Variants in VIPR2 observed in about 807,000 individuals in gnomAD.
VIPR2 encodes the protein vasoactive intestinal polypeptide receptor 2.
VIPR2 carries 48 observed loss-of-function variants against 58.0 expected under a neutral mutation model. The ratio of observed to expected loss-of-function variants is 0.83; its 90% CI spans 0.66 to 1.05. The LOEUF is 1.05. VIPR2 is among the 50% of genes least tolerant of loss of function. VIPR2 has a pLI of 0.00. For synonymous variants in VIPR2, 243 were observed against 235.2 expected, an observed-to-expected ratio of 1.03 and a Z score of -0.30; for missense variants, 534 against 558.0, an observed-to-expected ratio of 0.96 and a Z score of 0.43.
At chr7:159,114,676 A>C (rs1332502561) in intron 2 of VIPR2, among the ~76,000 whole-genome samples, 3 of 152,126 alleles carry the variant, frequency 2.0e-5, no homozygotes, top group Admixed American at 2.0e-4. Context: ...CACTGTGGTA[A>C]GTACCTGCAG....
intron 4 of VIPR2, among the ~76,000 whole-genome samples, chr7:159,085,615 C>T (rs114369888): frequency 0.018 from 2,771 of 152,326 alleles, 88 homozygotes; most frequent in African/African-American, 0.061. Context: ...TTTAAGGACA[C>T]GGCTGTCACG....
intron 5 of VIPR2, among the ~76,000 whole-genome samples, chr7:159,052,703 TAGG>T (rs1855080389): frequency 6.6e-6 from 1 of 152,140 alleles, no homozygotes; most frequent in African/African-American, 2.4e-5. Context: ...CAAAACCATG[TAGG>T]GTTAATTTAG....
intron 2 of VIPR2, among the ~76,000 whole-genome samples, chr7:159,115,190 C>A (rs1796191224): frequency 6.6e-6 from 1 of 152,242 alleles, no homozygotes; most frequent in South Asian, 2.1e-4. Flanking sequence ...GTAGCCATCA[C>A]ACCAGCATTT....
At chr7:159,036,284 C>T (rs1007911136) in intron 7 of VIPR2, among the ~76,000 whole-genome samples, 6 of 152,120 alleles carry the variant, frequency 3.9e-5, no homozygotes, top group South Asian at 2.1e-4. Flanking sequence ...GTTGAACGTG[C>T]GGAGAAGGAG....
At chr7:159,052,581 G>T (rs1855072131) in intron 5 of VIPR2, among the ~76,000 whole-genome samples, 1 of 152,140 alleles carries the variant, frequency 6.6e-6, no homozygotes. Context: ...AACCTTACCA[G>T]ATTGACTCAT....
intron 2 of VIPR2, among the ~76,000 whole-genome samples, chr7:159,132,466 C>T (rs372437124): frequency 3.1e-3 from 466 of 150,834 alleles, no homozygotes; most frequent in African/African-American, 0.01. Flanking sequence ...TGGATCCAGT[C>T]GGAGGCCTCA....
chr7:159,051,160 A>G (rs1404604131), intron 5 of VIPR2, among the ~76,000 whole-genome samples: 1 of 152,250 alleles, frequency 6.6e-6, no homozygotes, highest in Non-Finnish European at 1.5e-5. Flanking sequence ...AATGCAGGAG[A>G]ATGAAGAGCA....
intron 6 of VIPR2, among the ~76,000 whole-genome samples, chr7:159,038,263 C>T (rs1854099363): frequency 1.3e-5 from 2 of 152,180 alleles, no homozygotes; most frequent in Admixed American, 6.5e-5. Flanking sequence ...TCTGGATCTG[C>T]CTTGCCTTCC....
intron 4 of VIPR2, among the ~76,000 whole-genome samples, chr7:159,070,436 T>TG (rs2129494519): frequency 6.6e-6 from 1 of 152,330 alleles, no homozygotes; most frequent in South Asian, 2.1e-4. Flanking sequence ...TGATTTGTGG[T>TG]GGGAGTTGTT....
intron 6 of VIPR2, among the ~76,000 whole-genome samples, chr7:159,039,499 A>T (rs1043362483): frequency 6.6e-6 from 1 of 152,162 alleles, no homozygotes; most frequent in African/African-American, 2.4e-5. Context: ...AAACAAAACA[A>T]AAAATAAAAA....
chr7:159,114,171 AAGTGATTCAAATTTGGCAC>A (rs1796147209), intron 2 of VIPR2, among the ~76,000 whole-genome samples: 1 of 152,138 alleles, frequency 6.6e-6, no homozygotes, highest in African/African-American at 2.4e-5. Flanking sequence ...TGTTGGACAT[AAGTGATTCAAATTTGGCAC>A]AGTGAACCCT....
intron 5 of VIPR2, among the ~76,000 whole-genome samples, chr7:159,043,614 G>A (rs1357593507): frequency 3.3e-5 from 5 of 152,196 alleles, no homozygotes; most frequent in African/African-American, 9.7e-5. Context: ...AATAGGCAGA[G>A]GGCATGCTGT....
At chr7:159,088,883 C>G (rs1857330876) in intron 4 of VIPR2, among the ~76,000 whole-genome samples, 1 of 67,032 alleles carries the variant, frequency 1.5e-5, no homozygotes, top group Admixed American at 1.7e-4. Context: ...ATGGGAATAG[C>G]CTCAGGCCTC....
At chr7:159,124,481 C>T (rs749015549) in intron 2 of VIPR2, among the ~76,000 whole-genome samples, 12 of 152,076 alleles carry the variant, frequency 7.9e-5, no homozygotes, top group Admixed American at 6.6e-5. Context: ...TTTCTGGGTT[C>T]TCTATTCTCC....
At chr7:159,123,288 TAAAAAAAAAAAAA>T in intron 2 of VIPR2, among the ~76,000 whole-genome samples, 1 of 72,884 alleles carries the variant, frequency 1.4e-5, no homozygotes, top group African/African-American at 5.2e-5. Context: ...CAAGACTCTG[TAAAAAAAAAAAAA>T]AAAAAAAAAA....
intron 10 of VIPR2, among the ~76,000 whole-genome samples, chr7:159,032,287 C>A (rs555423820): frequency 2.0e-5 from 3 of 152,308 alleles, no homozygotes; most frequent in African/African-American, 7.2e-5. Flanking sequence ...AACGTGCATT[C>A]CGGAAGTGTC....
intron 2 of VIPR2, among the ~76,000 whole-genome samples, chr7:159,140,691 C>T (rs984147059): frequency 6.6e-6 from 1 of 152,234 alleles, no homozygotes; most frequent in African/African-American, 2.4e-5. Flanking sequence ...GAGGGGCTCT[C>T]GGGCCTGCAT....
In VIPR2 at chr7:159,030,676, C is replaced by A; in HGVS notation, c.1257G>T (p.Leu419=). The A allele has an allele frequency of 6.4e-7, 1 of 1,567,510 alleles. No homozygotes were observed. The highest frequency in any genetic ancestry group is 8.6e-7 in the Non-Finnish European group (1 of 1,157,804). ...GGGCGCGGGAGCCGCGGTGGAACTGCAGGGCGCCCTCCGAGCCGTTGCGGG... is the reference window on the plus strand; with the variant it reads ...GGGCGCGGGAGCCGCGGTGGAACTGAAGGGCGCCCTCCGAGCCGTTGCGGG... ...SFSRNGSEGA[L]QFHRGSRAQS... is the part of the protein sequence containing the mutation. The change falls in exon 13 of 13, where the codon CTG becomes CTT. Residue 419 remains leucine (L), a synonymous_variant. Coordinates refer to ENST00000262178, the MANE Select transcript of VIPR2 (RefSeq NM_003382.5).
rs1857955027 is a variant in VIPR2, at chr7:159,097,790, G to A, written c.357+5967C>T. Among the ~76,000 whole-genome samples, 1 of 152,204 alleles carries A rather than the reference G, an allele frequency of 6.6e-6. No homozygotes were observed. The highest frequency in any genetic ancestry group is 6.5e-5 in the Admixed American group (1 of 15,284). ...CCAAGATTTCTGGGTCTGATCCCAGGAGTGGGATAGGGCGGGCAACAGGGC... is the reference window on the plus strand; with the variant it reads ...CCAAGATTTCTGGGTCTGATCCCAGAAGTGGGATAGGGCGGGCAACAGGGC... On this transcript the variant is annotated intron_variant, in intron 4 of 12. Transcript: ENST00000262178. The surrounding 1 kb of genome is among the most constrained non-coding windows in gnomAD (Gnocchi z 5.3).
Sources: gnomAD v4.1 joint callset for allele counts (sites outside exome capture counted in the v4.1 genomes callset) on GRCh38, gnomAD v4.1.1 for gene constraint, Gnocchi (gnomAD v3.1) non-coding constraint, MANE v1.5 for transcripts, NCBI Gene and HGNC (gene_info 2026-07-23, HGNC 2026-07-21) for gene names.